SNAP91: variants seen among roughly 807,000 people sequenced by gnomAD.
SNAP91 encodes clathrin coat assembly protein AP180.
SNAP91 carries 27 observed loss-of-function variants against 100.3 expected under a neutral mutation model. The ratio of observed to expected loss-of-function variants is 0.27; its 90% CI spans 0.20 to 0.37. The LOEUF is 0.37. Ranked by LOEUF, SNAP91 falls within the 10% of genes least tolerant of loss-of-function variation. SNAP91 has a pLI of 1.00. For synonymous variants in SNAP91, 404 were observed against 398.6 expected (o/e 1.01, Z -0.16); for missense variants, 986 against 1,123.7 (o/e 0.88, Z 1.75).
intron 8 of SNAP91, among the ~76,000 whole-genome samples, chr6:83,627,077 T>C (rs11756109): frequency 0.21 from 32,399 of 152,102 alleles, 4,279 homozygotes; most frequent in East Asian, 0.4. Flanking sequence ...GAGGTTGGAT[T>C]TTACAGAAAG....
chr6:83,575,398 C>T, intron 25 of SNAP91: 1 of 409,150 alleles, frequency 2.4e-6, no homozygotes, highest in Non-Finnish European at 4.4e-6. Flanking sequence ...CAGAAAAATC[C>T]AACTGGATTC....
rs934275002 is a variant in SNAP91, at chr6:83,708,018, C to T, written c.-30-61G>A. ...CCGCAGACCCTACCCTCCAAGCACC[C>T]AGGCCTTGCCTCCTCCAGCCGCGCG... On this transcript the variant is annotated intron_variant, in intron 1 of 29. Transcript: ENST00000369694. The T allele has an allele frequency of 1.4e-5, 19 of 1,393,708 alleles. No individual in the cohort carries two copies. The African/African-American group carries it at 2.8e-4, about 21-fold the overall frequency. 86.3% of individuals were successfully genotyped at this position (1,393,708 alleles called of 1,614,324 possible). A position where few individuals can be genotyped will look rare whatever the true frequency, so the allele number is the denominator to read the frequency against.
chr6:83,689,535 C>T (rs2099105269), intron 2 of SNAP91: 1 of 151,878 alleles, frequency 6.6e-6, no homozygotes, highest in South Asian at 2.1e-4. Flanking sequence ...AAAATGAACA[C>T]AAGATAAGCA....
At chr6:83,565,894 G>A (rs1021099783) in intron 26 of SNAP91, among the ~76,000 whole-genome samples, 11 of 152,210 alleles carry the variant, frequency 7.2e-5, no homozygotes, top group South Asian at 2.1e-4. Flanking sequence ...CTATGGAAAC[G>A]CTTGGCAGTT....
intron 26 of SNAP91, among the ~76,000 whole-genome samples, chr6:83,567,823 C>T (rs537574529): frequency 3.7e-4 from 56 of 149,962 alleles, no homozygotes; most frequent in South Asian, 2.6e-3. Context: ...ATTAGGATGG[C>T]GATCATTAAA....
intron 21 of SNAP91, among the ~76,000 whole-genome samples, 151 bp from the exon 22 acceptor site, chr6:83,591,445 A>C (rs780662923): frequency 1.3e-5 from 2 of 152,210 alleles, no homozygotes; most frequent in Non-Finnish European, 2.9e-5. Context: ...ACATGAATTG[A>C]ATTATGCTCT....
chr6:83,660,759 T>C (rs1291063116), intron 5 of SNAP91, among the ~76,000 whole-genome samples: 5 of 151,560 alleles, frequency 3.3e-5, no homozygotes, highest in Non-Finnish European at 7.4e-5. Flanking sequence ...AATATTTATA[T>C]AGCTATTGGC....
At chr6:83,611,759 C>T (rs1423105068) in intron 11 of SNAP91, among the ~76,000 whole-genome samples, 1 of 151,200 alleles carries the variant, frequency 6.6e-6, no homozygotes, top group Non-Finnish European at 1.5e-5. Context: ...TGCAGTGGCG[C>T]AATCTCAGCT....
intron 2 of SNAP91, among the ~76,000 whole-genome samples, chr6:83,704,528 T>C (rs544002242): frequency 6.6e-6 from 1 of 152,272 alleles, no homozygotes; most frequent in South Asian, 2.1e-4. Context: ...TTCAAGTGTA[T>C]AAATCATATA....
chr6:83,607,823 G>A lies in SNAP91; in HGVS notation c.913-15C>T. 6.8e-7 allele frequency: 1 copy of A among 1,478,892 alleles called. No individual in the cohort carries two copies. The allele number at this position is 1,478,892 out of a possible 1,614,324, so 91.6% of individuals were successfully genotyped here. ...GCTGGAGAAGACTGAAAGTGAAGAT[G>A]CACAACACACTTGAGTCAAATATGA... On this transcript the variant is annotated splice_polypyrimidine_tract_variant and intron_variant, in intron 12 of 29. Coordinates refer to ENST00000369694, the MANE Select transcript of SNAP91 (RefSeq NM_001242792.2).
intron 26 of SNAP91, among the ~76,000 whole-genome samples, chr6:83,566,210 G>T (rs1796390740): frequency 6.6e-6 from 1 of 152,110 alleles, no homozygotes; most frequent in African/African-American, 2.4e-5. Flanking sequence ...AGGGTAAGGG[G>T]AAATTGAAAG....
intron 17 of SNAP91, among the ~76,000 whole-genome samples, chr6:83,594,109 G>C (rs1273251135): frequency 6.6e-6 from 1 of 151,834 alleles, no homozygotes. Context: ...TTACAAAAGA[G>C]TACAATATAG....
chr6:83,704,471 C>A (rs2099354778), intron 2 of SNAP91, among the ~76,000 whole-genome samples: 1 of 152,044 alleles, frequency 6.6e-6, no homozygotes, highest in African/African-American at 2.4e-5. Flanking sequence ...TCATCTCGAC[C>A]TTTTCACCAG....
chr6:83,559,851 T>G (rs1355426817), intron 28 of SNAP91, among the ~76,000 whole-genome samples: 1 of 152,114 alleles, frequency 6.6e-6, no homozygotes, highest in Non-Finnish European at 1.5e-5. Context: ...GCCCTGAATA[T>G]CTGGATGTTC....
At chr6:83,610,329 A>G (rs2095920230) in intron 12 of SNAP91, among the ~76,000 whole-genome samples, 1 of 151,996 alleles carries the variant, frequency 6.6e-6, no homozygotes, top group Non-Finnish European at 1.5e-5. Context: ...CCTTGAAGAT[A>G]TGCTAAGTGA....
chr6:83,656,655 A>G (rs755724236), intron 7 of SNAP91, 99 bp downstream of exon 7: 5 of 500,516 alleles, frequency 1.0e-5, no homozygotes, highest in Non-Finnish European at 1.6e-5. Context: ...ATTCCACACA[A>G]TATTGCCCAC....
At chr6:83,568,898 G>C (rs976844047) in intron 26 of SNAP91, among the ~76,000 whole-genome samples, 12 of 152,140 alleles carry the variant, frequency 7.9e-5, no homozygotes, top group Non-Finnish European at 7.4e-5. Flanking sequence ...GGTGTCTCTA[G>C]CTTCTTTTCC....
chr6:83,575,454 C>T (rs1262908870), intron 25 of SNAP91: 2 of 279,354 alleles, frequency 7.2e-6, no homozygotes, highest in Non-Finnish European at 1.3e-5. Flanking sequence ...ATACTGTACA[C>T]TTCGATTTTG....
intron 3 of SNAP91, among the ~76,000 whole-genome samples, chr6:83,664,546 A>G (rs2098638252): frequency 6.6e-6 from 1 of 152,128 alleles, no homozygotes; most frequent in Non-Finnish European, 1.5e-5. Flanking sequence ...AGAATTGGAC[A>G]TGGAGCCTGA....
Sources: allele counts gnomAD v4.1 joint callset (sites outside exome capture counted in the v4.1 genomes callset), GRCh38; gene constraint gnomAD v4.1.1; transcripts MANE v1.5; gene names NCBI Gene and HGNC (gene_info 2026-07-23, HGNC 2026-07-21).